The following PI16 variants were observed in gnomAD, a reference collection of about 807,000 sequenced individuals.
PI16 encodes the protein peptidase inhibitor 16, also known as PSP94-binding protein.
In PI16, 35 loss-of-function variants were observed where a neutral mutation model predicts 38.0. The observed-to-expected ratio is 0.92, with a 90% CI of 0.70 to 1.22. PI16 has a LOEUF of 1.22. Among genes scored for constraint, PI16 ranks in the 50% most tolerant of loss-of-function variants. The pLI is 0.00. For synonymous variants in PI16, 275 were observed against 252.9 expected, an observed-to-expected ratio of 1.09 and a Z score of -0.83; for missense variants, 572 against 593.8, an observed-to-expected ratio of 0.96 and a Z score of 0.38.
chr6:36,964,081 C>A, intron 6 of PI16, 119 bp downstream of exon 6: 1 of 1,240,308 alleles, frequency 8.1e-7, no homozygotes, highest in Non-Finnish European at 1.1e-6. Context: ...CCCTTCACCC[C>A]AACTTCTGGC....
Position 36,956,552 on chromosome 6 carries a change from A to G in PI16, c.171+1621A>G, listed in dbSNP as rs368554639. On this transcript the variant is annotated intron_variant, in intron 1 of 6. Transcript: ENST00000373674. ...TGGGATGCCAGGAAACATTCAGGAC[A>G]AGACTCAGGTTCAACCTCAGCAGTG... 2.0e-4 allele frequency among the ~76,000 whole-genome samples: 31 copies of G among 152,332 alleles called. No homozygotes were observed. In the South Asian group the frequency reaches 6.2e-3, roughly 31 times the overall value.
In PI16 at chr6:36,959,196, G is replaced by C; in HGVS notation, c.223G>C (p.Val75Leu). The C allele has an allele frequency of 1.2e-6, 2 of 1,611,414 alleles. No homozygotes were observed. The highest frequency in any genetic ancestry group is 1.3e-5 in the African/African-American group (1 of 75,056). Residue 75 changes from valine to leucine, a missense_variant, in exon 2 of 7, where the codon GTG becomes CTG. Val to Leu is a conservative substitution (Grantham distance 32, BLOSUM62 1). Coordinates refer to ENST00000373674, the MANE Select transcript of PI16 (RefSeq NM_153370.3). ...CGCCAAGGCCTACGCACGGCAGTGC[G>C]TGTGGGGCCACAACAAGGAGCGCGG... ...AFAKAYARQC[V>L]WGHNKERGRR...
chr6:36,958,615 T>G (rs1763265697), intron 1 of PI16, among the ~76,000 whole-genome samples: 2 of 149,112 alleles, frequency 1.3e-5, no homozygotes, highest in African/African-American at 2.5e-5. Context: ...CTGCAGAGGG[T>G]AAAGGCATGG....
upstream of PI16, among the ~76,000 whole-genome samples, chr6:36,951,464 G>A (rs554064904): frequency 2.6e-5 from 4 of 152,322 alleles, no homozygotes; most frequent in East Asian, 7.7e-4. Flanking sequence ...TGCCCAGGCT[G>A]ATCTTGAACT....
intron 2 of PI16, 71 bp from the exon 3 acceptor site, chr6:36,961,380 T>C: frequency 7.7e-7 from 1 of 1,305,542 alleles, no homozygotes; most frequent in Admixed American, 1.7e-5. Context: ...GTAAGGCAGG[T>C]GTAGTGGGAT....
chr6:36,959,342 C>T lies in PI16; in HGVS notation c.369C>T (p.Gly123=). Residue 123 remains glycine (G), a synonymous_variant, in exon 2 of 7, where the codon GGC becomes GGT. Transcript: ENST00000373674. Reference sequence around the variant, plus strand: ...TCAGCGCCGCCACCTGCAGCCCAGGCCAGATGTGCGGCCACTACACGCAGG... The same window carrying T: ...TCAGCGCCGCCACCTGCAGCCCAGGTCAGATGTGCGGCCACTACACGCAGG... ...YNLSAATCSP[G]QMCGHYTQVV... 2 of 1,563,914 alleles carry T rather than the reference C, an allele frequency of 1.3e-6. No individual in the cohort carries two copies. Among genetic ancestry groups the T allele is most frequent in the Non-Finnish European group, 1.7e-6 (2 of 1,154,614 alleles).
At chr6:36,950,794 C>T (rs1763087990), upstream of PI16, among the ~76,000 whole-genome samples, 1 of 152,122 alleles carries the variant, frequency 6.6e-6, no homozygotes, top group Non-Finnish European at 1.5e-5. The surrounding 1 kb of genome is among the most constrained non-coding windows in gnomAD (Gnocchi z 4.2). Context: ...CCGCCCGCCT[C>T]GGCCTCCCAA....
intron 2 of PI16, among the ~76,000 whole-genome samples, chr6:36,959,891 T>C (rs1435419495): frequency 1.3e-5 from 2 of 148,302 alleles, no homozygotes; most frequent in South Asian, 4.3e-4. Context: ...AAAAATTAAA[T>C]AAATAAATAA....
intron 1 of PI16, among the ~76,000 whole-genome samples, chr6:36,955,312 G>T (rs1465028280): frequency 6.6e-6 from 1 of 152,148 alleles, no homozygotes; most frequent in Non-Finnish European, 1.5e-5. Context: ...GGGGGAACCC[G>T]GGAAGTTCTT....
intron 1 of PI16, among the ~76,000 whole-genome samples, chr6:36,955,816 G>A (rs1763190132): frequency 6.6e-6 from 1 of 152,198 alleles, no homozygotes; most frequent in Non-Finnish European, 1.5e-5. Context: ...AGCTATTTAT[G>A]GTAGGGTGAG....
intron 1 of PI16, among the ~76,000 whole-genome samples, chr6:36,949,076 G>A (rs1192648964): frequency 2.6e-5 from 4 of 151,582 alleles, no homozygotes; most frequent in African/African-American, 9.7e-5. Flanking sequence ...GTGAGCCACC[G>A]CACCCAGCCT....
chr6:36,951,818 T>G (rs1417083320), upstream of PI16, among the ~76,000 whole-genome samples: 2 of 151,976 alleles, frequency 1.3e-5, no homozygotes, highest in Non-Finnish European at 2.9e-5. Context: ...GAGAACCACT[T>G]GAACCCGGGA....
chr6:36,956,199 A>C (rs1763201843), intron 1 of PI16, among the ~76,000 whole-genome samples: 1 of 152,162 alleles, frequency 6.6e-6, no homozygotes, highest in South Asian at 2.1e-4. Context: ...AGAGCTCTGC[A>C]CACACCCAGC....
chr6:36,961,605 A>C, intron 3 of PI16, 45 bp downstream of exon 3: 1 of 1,570,260 alleles, frequency 6.4e-7, no homozygotes, highest in African/African-American at 1.3e-5. Flanking sequence ...GGGAAGGCAC[A>C]GGCAGAGCCA....
At chr6:36,948,612 T>G in intron 1 of PI16, among the ~76,000 whole-genome samples, 1 of 131,966 alleles carries the variant, frequency 7.6e-6, no homozygotes, top group East Asian at 2.0e-4. Context: ...GTTTCTTTCT[T>G]TTTTTTTTTC....
chr6:36,959,191 A>T lies in PI16; in HGVS notation c.218A>T (p.Gln73Leu). 3 of 1,611,394 alleles carry T rather than the reference A, an allele frequency of 1.9e-6. No individual in the cohort carries two copies. The highest frequency in any genetic ancestry group is 2.5e-6 in the Non-Finnish European group (3 of 1,179,404). Residue 73 changes from glutamine to leucine, a missense_variant, in exon 2 of 7, where the codon CAG (glutamine) becomes CTG (leucine). Transcript: ENST00000373674. ...GCCTTCGCCAAGGCCTACGCACGGCAGTGCGTGTGGGGCCACAACAAGGAG... is the reference window on the plus strand; with the variant it reads ...GCCTTCGCCAAGGCCTACGCACGGCTGTGCGTGTGGGGCCACAACAAGGAG... ...LAAFAKAYAR[Q>L]CVWGHNKERG...
chr6:36,953,136 G>C (rs2150733173), upstream of PI16, among the ~76,000 whole-genome samples: 1 of 152,184 alleles, frequency 6.6e-6, no homozygotes, highest in East Asian at 1.9e-4. Context: ...GGCCAACATG[G>C]TGAAACCCCA....
intron 1 of PI16, chr6:36,948,491 G>A (rs745394319): frequency 6.6e-6 from 1 of 152,160 alleles, no homozygotes; most frequent in Non-Finnish European, 1.5e-5. Flanking sequence ...TAGAGAAAGG[G>A]TCTCACTTTG....
chr6:36,956,328 T>C (rs1177908237), intron 1 of PI16, among the ~76,000 whole-genome samples: 1 of 152,220 alleles, frequency 6.6e-6, no homozygotes, highest in African/African-American at 2.4e-5. Context: ...ATTGTTGGAC[T>C]TCAGTTTCCC....
Sources: gnomAD v4.1 joint callset for allele counts (sites outside exome capture counted in the v4.1 genomes callset) on GRCh38, gnomAD v4.1.1 for gene constraint, Gnocchi (gnomAD v3.1) non-coding constraint, MANE v1.5 for transcripts, NCBI Gene and HGNC (gene_info 2026-07-23, HGNC 2026-07-21) for gene names.